DIS3L: variants seen among roughly 807,000 people sequenced by gnomAD.
DIS3L encodes DIS3 like exosome 3'-5' exoribonuclease.
A neutral mutation model predicts 120.3 loss-of-function variants in DIS3L; 100 were observed. The observed-to-expected ratio is 0.83, with a 90% confidence interval of 0.71 to 0.98. The LOEUF is 0.98. Ranked by LOEUF, DIS3L falls within the 50% of genes least tolerant of loss-of-function variation. The probability of loss-of-function intolerance (pLI) is 0.00; values close to 1 mark genes in which losing one functional copy is unlikely to be tolerated. For missense variants in DIS3L, 1,196 were observed against 1,314.2 expected (o/e 0.91, Z 1.39); for synonymous variants, 426 against 470.6 (o/e 0.91, Z 1.23).
chr15:66,320,786 G>T, intron 9 of DIS3L, 54 bp downstream of exon 9: 6 of 1,572,438 alleles, frequency 3.8e-6, no homozygotes, highest in Non-Finnish European at 5.2e-6. Context: ...TGCTTTTGTT[G>T]TTGTTTCATC....
At chr15:66,314,962 T>C in intron 6 of DIS3L, 74 bp from the exon 7 acceptor site, 3 of 1,488,472 alleles carry the variant, frequency 2.0e-6, no homozygotes, top group Admixed American at 3.7e-5. Context: ...TTCGAGTATA[T>C]CATGCGCGGA....
At chr15:66,319,894 C>CTTGA (rs1294233486) in intron 8 of DIS3L, among the ~76,000 whole-genome samples, 1 of 148,500 alleles carries the variant, frequency 6.7e-6, no homozygotes, top group African/African-American at 2.5e-5. Flanking sequence ...GCAGGTGGAT[C>CTTGA]ACTTGAGGCT....
upstream of DIS3L, chr15:66,293,525 G>C: frequency 7.7e-7 from 1 of 1,294,344 alleles, no homozygotes. Flanking sequence ...CTAGGGCCGA[G>C]GGGCGGGTCC....
chr15:66,314,828 C>T, intron 6 of DIS3L: 1 of 464,644 alleles, frequency 2.2e-6, no homozygotes, highest in South Asian at 4.9e-5. Flanking sequence ...GAGGGTGGCA[C>T]TTATGAAATC....
intron 2 of DIS3L, among the ~76,000 whole-genome samples, chr15:66,305,001 T>C (rs2092689131): frequency 1.4e-5 from 2 of 140,588 alleles, no homozygotes; most frequent in African/African-American, 5.2e-5. Flanking sequence ...TCGATTTCTT[T>C]TTTTTTTTTT....
intron 1 of DIS3L, chr15:66,294,579 C>T: frequency 1.0e-6 from 1 of 968,728 alleles, no homozygotes; most frequent in Non-Finnish European, 1.2e-6. Flanking sequence ...GGCTGCTGAG[C>T]ACGTGCAGAA....
intron 2 of DIS3L, among the ~76,000 whole-genome samples, chr15:66,304,192 T>C (rs1266792505): frequency 6.6e-6 from 1 of 151,850 alleles, no homozygotes; most frequent in African/African-American, 2.4e-5. Context: ...GGCTCACACT[T>C]GTAATCCCAA....
intron 14 of DIS3L, chr15:66,329,621 G>A (rs2092977866): frequency 6.4e-6 from 8 of 1,244,586 alleles, no homozygotes; most frequent in Non-Finnish European, 6.1e-6. Flanking sequence ...AGGTGGAAAT[G>A]TAAAGATTCA....
intron 2 of DIS3L, among the ~76,000 whole-genome samples, chr15:66,304,615 T>C (rs1413129459): frequency 6.6e-6 from 1 of 152,114 alleles, no homozygotes; most frequent in Admixed American, 6.5e-5. Context: ...TTAAGATATT[T>C]TATGGCCGGG....
chr15:66,330,084 C>T (rs1232633159), intron 14 of DIS3L: 3 of 978,108 alleles, frequency 3.1e-6, no homozygotes, highest in East Asian at 2.3e-4. Context: ...AGGTGGATCA[C>T]GAGGTCAGGA....
Position 66,314,045 on chromosome 15 carries a change from C to T in DIS3L, c.742C>T (p.Leu248=). The T allele has an allele frequency of 6.5e-7, 1 of 1,546,638 alleles. No homozygotes were observed. Among genetic ancestry groups the T allele is most frequent in the Non-Finnish European group, 8.7e-7 (1 of 1,149,050 alleles). The part of the protein sequence containing the change: ...IKSGRYIQGI[L]NVNKHRAQIE... ...TTTTAAATTATGATTTTAGGGAATT[C>T]TGAATGTCAACAAACACAGAGCCCA... Residue 248 remains leucine (L), a synonymous_variant, in exon 6 of 17, where the codon CTG becomes TTG. Coordinates refer to ENST00000319212, the MANE Select transcript of DIS3L (RefSeq NM_001143688.3).
intron 12 of DIS3L, 47 bp downstream of exon 12, chr15:66,326,411 A>T: frequency 1.3e-6 from 2 of 1,561,760 alleles, no homozygotes; most frequent in Non-Finnish European, 1.7e-6. Flanking sequence ...CATGCTGTAT[A>T]TTTAGTTATC....
upstream of DIS3L, chr15:66,293,416 G>A: frequency 8.6e-7 from 1 of 1,159,770 alleles, no homozygotes; most frequent in Non-Finnish European, 1.1e-6. Context: ...TGAGGGAAGG[G>A]AAGAAACTAA....
chr15:66,325,728 T>C, intron 11 of DIS3L, 103 bp from the exon 12 acceptor site: 1 of 1,367,186 alleles, frequency 7.3e-7, no homozygotes, highest in Non-Finnish European at 9.9e-7. Context: ...GCCATTGCAC[T>C]CCAGCCTGGG....
intron 2 of DIS3L, among the ~76,000 whole-genome samples, chr15:66,306,248 A>G (rs2092701533): frequency 6.6e-6 from 1 of 152,180 alleles, no homozygotes; most frequent in Non-Finnish European, 1.5e-5. Context: ...GGATCTCTTG[A>G]TGGACAAAAC....
rs1222626604 is a variant in DIS3L at position 66,312,017 on chromosome 15, G to C, written c.735+117G>C. The C allele has an allele frequency of 4.1e-6, 5 of 1,205,426 alleles. No homozygotes were observed. In the African/African-American group the frequency reaches 7.7e-5, roughly 19 times the overall value. The allele number at this position is 1,205,426 out of a possible 1,614,324, so 74.7% of individuals were successfully genotyped here. On this transcript the variant is annotated intron_variant, in intron 5 of 16. Transcript: ENST00000319212. ...AGCCCAGGAGCTGGAGACCAGACTG[G>C]GCAACATAGTGAAACCCTGTCTCTA...
intron 14 of DIS3L, 121 bp downstream of exon 14, chr15:66,329,520 C>A: frequency 7.4e-7 from 1 of 1,357,690 alleles, no homozygotes; most frequent in Non-Finnish European, 9.6e-7. Flanking sequence ...ATTATTCTAA[C>A]CAGTGCTTTC....
At chr15:66,315,642 A>G (rs1420143722) in intron 7 of DIS3L, among the ~76,000 whole-genome samples, 1 of 152,152 alleles carries the variant, frequency 6.6e-6, no homozygotes, top group Admixed American at 6.5e-5. Flanking sequence ...GCACCCAAAT[A>G]TGCTGTAATG....
At position 66,315,178 on chromosome 15, in the gene DIS3L, G is replaced by C. The variant is rs761641527; in HGVS notation, c.957G>C (p.Lys319Asn). The change falls in exon 7 of 17, where the codon AAG becomes AAC. Residue 319 changes from lysine (K) to asparagine (N), a missense_variant. Coordinates refer to ENST00000319212, the MANE Select transcript of DIS3L (RefSeq NM_001143688.3). ...VALCENDCDD[K>N]ASGESPSEPM... Reference sequence around the variant, plus strand: ...TGTGTGAGAATGACTGTGACGACAAGGCTTCGGGCGAGTCCCCAAGTGAGC... The same window carrying C: ...TGTGTGAGAATGACTGTGACGACAACGCTTCGGGCGAGTCCCCAAGTGAGC... The C allele has an allele frequency of 2.5e-6, 4 of 1,613,774 alleles. No individual in the cohort carries two copies. The highest frequency in any genetic ancestry group is 1.7e-6 in the Non-Finnish European group (2 of 1,179,870).
Sources: allele counts gnomAD v4.1 joint callset (sites outside exome capture counted in the v4.1 genomes callset), GRCh38; gene constraint gnomAD v4.1.1; transcripts MANE v1.5; gene names NCBI Gene and HGNC (gene_info 2026-07-23, HGNC 2026-07-21).